The following MYH14 variants were observed in gnomAD, a reference collection of about 807,000 sequenced individuals.
The protein encoded by MYH14 is myosin heavy chain 14.
MYH14 carries 123 observed loss-of-function variants against 255.5 expected under a neutral mutation model. The observed-to-expected ratio is 0.48, with a 90% CI of 0.42 to 0.56. The LOEUF is 0.56. MYH14 is among the 20% of genes least tolerant of loss of function. The pLI, the probability that MYH14 is intolerant of heterozygous loss-of-function variation, is 0.00. For missense variants in MYH14, 2,423 were observed against 2,802.3 expected, an observed-to-expected ratio of 0.86 and a Z score of 3.06; for synonymous variants, 1,095 against 1,161.2, an observed-to-expected ratio of 0.94 and a Z score of 1.16.
chr19:50,278,953 G>A (rs1371326240), intron 30 of MYH14, among the ~76,000 whole-genome samples: 5 of 151,886 alleles, frequency 3.3e-5, no homozygotes, highest in African/African-American at 1.2e-4. Flanking sequence ...GCGCCATTGC[G>A]TTCCAGCCTG....
chr19:50,249,507 C>A, intron 13 of MYH14, 143 bp from the exon 14 acceptor site: 2 of 887,292 alleles, frequency 2.3e-6, no homozygotes, highest in South Asian at 1.7e-5. Context: ...CTGTCCCCCT[C>A]TCTCTGGGTC....
chr19:50,309,722 G>C lies in MYH14; in HGVS notation c.6043G>C (p.Glu2015Gln), dbSNP rs2036790256. The change falls in exon 43 of 43, where the codon GAG (glutamate) becomes CAG (glutamine). Residue 2015 changes from glutamate (E) to glutamine (Q), a missense_variant. Coordinates refer to ENST00000642316, the MANE Select transcript of MYH14 (RefSeq NM_001145809.2). Reference protein sequence around the residue: ...EEGVASDEEAEEAQPGSGPSP... With the variant: ...EEGVASDEEAQEAQPGSGPSP... ...GGGCGTGGCATCCGACGAGGAGGCA[G>C]AGGAAGCACAGCCTGGGTCTGGGCC... The C allele has an allele frequency of 6.2e-7, 1 of 1,602,598 alleles. No homozygotes were observed. Among genetic ancestry groups the C allele is most frequent in the Non-Finnish European group, 8.5e-7 (1 of 1,175,052 alleles).
At chr19:50,225,507 GAC>G (rs1454444081) in intron 6 of MYH14, 76 bp from the exon 7 acceptor site, 1 of 1,120,404 alleles carries the variant, frequency 8.9e-7, no homozygotes, top group African/African-American at 1.5e-5. Context: ...GTCAGCTGGA[GAC>G]ACAGCCCGAG....
At chr19:50,257,224 C>T (rs2123333146) in intron 17 of MYH14, 75 bp from the exon 18 acceptor site, 1 of 1,254,556 alleles carries the variant, frequency 8.0e-7, no homozygotes, top group South Asian at 1.5e-5. Flanking sequence ...AATGATAAGA[C>T]CCTTGACCTT....
rs1288618699 is a variant in MYH14, at chr19:50,222,976, T to G, written c.563-107T>G. The G allele has an allele frequency of 3.5e-6, 4 of 1,127,218 alleles. No individual in the cohort carries two copies. The East Asian group carries it at 9.4e-5, about 26-fold the overall frequency. 69.8% of individuals were successfully genotyped at this position (1,127,218 alleles called of 1,614,324 possible). On this transcript the variant is annotated intron_variant, in intron 3 of 42. Transcript: ENST00000642316. ...TACACATCAAGACCCAAGCTTTTCC[T>G]TACTCCCTGGGAATAATTTTTAAAA...
chr19:50,303,857 C>T (rs2036572057), intron 40 of MYH14, among the ~76,000 whole-genome samples: 1 of 152,176 alleles, frequency 6.6e-6, no homozygotes, highest in Non-Finnish European at 1.5e-5. Flanking sequence ...TCTCCAGTTG[C>T]TGGAATGACC....
In MYH14 at chr19:50,260,699, A is replaced by G. The variant is rs766675018; in HGVS notation, c.2408A>G (p.Gln803Arg). 8.7e-6 allele frequency: 14 copies of G among 1,612,800 alleles called. No individual in the cohort carries two copies. The African/African-American group carries it at 1.3e-4, about 15-fold the overall frequency. ...AIPKGFMDGKQACEKMIQALE... is the reference protein window; with the variant it reads ...AIPKGFMDGKRACEKMIQALE... ...CCCAAGGGCTTCATGGATGGGAAGCAGGCCTGTGAAAAGATGGTGAGTGGG... is the reference window on the plus strand; with the variant it reads ...CCCAAGGGCTTCATGGATGGGAAGCGGGCCTGTGAAAAGATGGTGAGTGGG... Residue 803 changes from glutamine to arginine, a missense_variant, in exon 20 of 43, where the codon CAG becomes CGG. By Grantham distance (43) the Gln-to-Arg change is conservative. Transcript: ENST00000642316.
rs1345842799 is a variant in MYH14, at chr19:50,266,009, T to C, written c.2695-868T>C. Among the ~76,000 whole-genome samples, 1 of 152,024 alleles carries C rather than the reference T, an allele frequency of 6.6e-6. No homozygotes were observed. The highest frequency in any genetic ancestry group is 1.5e-5 in the Non-Finnish European group (1 of 68,010). ...AAATGTGAATGATACCTGCGAAAGA[T>C]GCAAGGAGTCGGGGCAGAAAAGGAG... On this transcript the variant is annotated intron_variant, in intron 22 of 42. Transcript: ENST00000642316. The surrounding 1 kb of genome is among the most constrained non-coding windows in gnomAD (Gnocchi z 4.1).
intron 30 of MYH14, 124 bp from the exon 31 acceptor site, chr19:50,279,913 A>C: frequency 1.3e-6 from 1 of 774,452 alleles, no homozygotes. Flanking sequence ...TGGATCTGCC[A>C]GACTGTTTTC....
intron 39 of MYH14, among the ~76,000 whole-genome samples, chr19:50,294,074 AT>A (rs2036180676): frequency 1.3e-5 from 2 of 152,190 alleles, no homozygotes; most frequent in African/African-American, 2.4e-5. Context: ...TCCTTTGCAT[AT>A]TTATTTATAA....
intron 6 of MYH14, chr19:50,224,736 A>T: frequency 2.2e-6 from 1 of 453,776 alleles, no homozygotes; most frequent in South Asian, 1.6e-5. Context: ...CTAGGAACCC[A>T]CTATTTTTTG....
Position 50,252,775 on chromosome 19 carries a change from C to T in MYH14, c.1945+22C>T. 1.3e-6 allele frequency: 2 copies of T among 1,521,372 alleles called. No individual in the cohort carries two copies. Among genetic ancestry groups the T allele is most frequent in the Non-Finnish European group, 1.8e-6 (2 of 1,116,654 alleles). The allele number at this position is 1,521,372 out of a possible 1,614,324, so 94.2% of individuals were successfully genotyped here. ...GACGGTGAGGACCCACTTCCCCCAC[C>T]CCGGCTCTAGGGGTCTGTGCGGCCA... On this transcript the variant is annotated intron_variant, in intron 16 of 42. Coordinates refer to ENST00000642316, the MANE Select transcript of MYH14 (RefSeq NM_001145809.2). This position sits in a 1 kb window ranked among gnomAD's most constrained non-coding sequence, Gnocchi z 4.2.
chr19:50,205,693 G>T (rs2031703531), intron 1 of MYH14: 1 of 153,104 alleles, frequency 6.5e-6, no homozygotes, highest in East Asian at 1.9e-4. Context: ...GAAGGACTGC[G>T]CCGCGAGCCC....
intron 10 of MYH14, 72 bp downstream of exon 10, chr19:50,232,142 C>A: frequency 1.9e-6 from 3 of 1,576,148 alleles, no homozygotes; most frequent in Non-Finnish European, 2.6e-6. Flanking sequence ...CCATTCATGC[C>A]CCGATCTCTT....
chr19:50,288,266 G>A (rs879691530), intron 34 of MYH14, among the ~76,000 whole-genome samples: 2 of 152,142 alleles, frequency 1.3e-5, no homozygotes, highest in Non-Finnish European at 2.9e-5. Flanking sequence ...TCCCAACAAC[G>A]TGCTTCTAGG....
In MYH14 at chr19:50,280,520, C is replaced by T; in HGVS notation, c.4290+137C>T. On this transcript the variant is annotated intron_variant, in intron 32 of 42. Coordinates refer to ENST00000642316, the MANE Select transcript of MYH14 (RefSeq NM_001145809.2). The surrounding 1 kb of genome is among the most constrained non-coding windows in gnomAD (Gnocchi z 4.8). Reference sequence around the variant, plus strand: ...ATGGGTGCCTTTCTCATCTCTGACTCCCCCTTACCCCCCACAGCCCATGCC... The same window carrying T: ...ATGGGTGCCTTTCTCATCTCTGACTTCCCCTTACCCCCCACAGCCCATGCC... The T allele has an allele frequency of 1.1e-6, 1 of 892,774 alleles. No homozygotes were observed. The highest frequency in any genetic ancestry group is 2.7e-5 in the East Asian group (1 of 37,452). 55.3% of individuals were successfully genotyped at this position (892,774 alleles called of 1,614,324 possible).
intron 23 of MYH14, 73 bp downstream of exon 23, chr19:50,267,081 T>A: frequency 7.2e-7 from 1 of 1,391,192 alleles, no homozygotes; most frequent in South Asian, 1.3e-5. Flanking sequence ...GAGCCAGGTG[T>A]GAGGGGCGGG....
rs1045690522 is a variant in MYH14 at position 50,263,172 on chromosome 19, C to T, written c.2586-140C>T. ...CCAGATCATGCCATTGCACTCCAGC[C>T]TAGGCAACAGAGCAAGACTCTGTCT... On this transcript the variant is annotated intron_variant, in intron 21 of 42. Transcript: ENST00000642316. 3 of 563,178 alleles carry T rather than the reference C, an allele frequency of 5.3e-6. No individual in the cohort carries two copies. In the African/African-American group the frequency reaches 5.8e-5, roughly 11 times the overall value. The allele number at this position is 563,178 out of a possible 1,614,324, so 34.9% of individuals were successfully genotyped here.
At chr19:50,220,114 T>C (rs1409382733) in intron 3 of MYH14, among the ~76,000 whole-genome samples, 3 of 152,066 alleles carry the variant, frequency 2.0e-5, no homozygotes, top group Non-Finnish European at 4.4e-5. Context: ...CCTTCGATCA[T>C]GGCTTCGAAA....
Sources: gnomAD v4.1 joint callset for allele counts (sites outside exome capture counted in the v4.1 genomes callset) on GRCh38, gnomAD v4.1.1 for gene constraint, Gnocchi (gnomAD v3.1) non-coding constraint, MANE v1.5 for transcripts, NCBI Gene and HGNC (gene_info 2026-07-23, HGNC 2026-07-21) for gene names.